Variants in TGFBR3 observed in about 807,000 individuals in gnomAD.
TGFBR3 encodes the protein transforming growth factor beta receptor type 3.
TGFBR3 carries 46 observed loss-of-function variants against 87.9 expected under a neutral mutation model. The ratio of observed to expected loss-of-function variants is 0.52; its 90% confidence interval spans 0.41 to 0.67. TGFBR3 has a LOEUF of 0.67. Among genes scored for constraint, TGFBR3 ranks in the 30% least tolerant of loss-of-function variants. The pLI, the probability that TGFBR3 is intolerant of heterozygous loss-of-function variation, is 0.00. For synonymous variants in TGFBR3, 381 were observed against 391.6 expected (o/e 0.97, Z 0.32); for missense variants, 866 against 1,041.9 (o/e 0.83, Z 2.32).
intron 4 of TGFBR3, chr1:91,754,895 A>T (rs1673684025): frequency 6.6e-6 from 1 of 152,212 alleles, no homozygotes; most frequent in South Asian, 2.1e-4. Context: ...CTATTTAAAA[A>T]AAAACAGTTA....
rs202196211 is a variant in TGFBR3 at position 91,852,178 on chromosome 1, G to A, written c.61+9293C>T. Among the ~76,000 whole-genome samples the A allele has an allele frequency of 1.2e-4, 19 of 152,230 alleles. No individual in the cohort carries two copies. The East Asian group carries it at 3.5e-3, about 28-fold the overall frequency. On this transcript the variant is annotated intron_variant, in intron 2 of 16. Transcript: ENST00000212355. Reference sequence around the variant, plus strand: ...GTGGGAGGATCGTTTGAGCCCAGGAGGCCAAGGCTGCAGTGAGCTACCGTG... The same window carrying A: ...GTGGGAGGATCGTTTGAGCCCAGGAAGCCAAGGCTGCAGTGAGCTACCGTG...
At position 91,758,629 on chromosome 1, in the gene TGFBR3, ACC is replaced by A; in HGVS notation, c.366_367del (p.Val123LeufsTer8). 6.2e-7 allele frequency: 1 copy of A among 1,613,814 alleles called. No homozygotes were observed. Among genetic ancestry groups the A allele is most frequent in the Non-Finnish European group, 8.5e-7 (1 of 1,179,902 alleles). The stretch of plus-strand genomic sequence containing the variant: ...AGCACTTACCAAAAACAGTCTGGAG[ACC>A]CCAGTGGCAAGTCTCTCTGTCTTCA... On this transcript the variant is annotated frameshift_variant, in exon 4 of 17. Transcript: ENST00000212355. LOFTEE classifies it high-confidence loss of function.
intron 7 of TGFBR3, among the ~76,000 whole-genome samples, chr1:91,725,213 A>G (rs1672507591): frequency 6.6e-6 from 1 of 152,142 alleles, no homozygotes; most frequent in Admixed American, 6.5e-5. Context: ...TCTGGAGGAC[A>G]CATTCTGCCC....
At chr1:91,762,165 C>T (rs1022477397) in intron 3 of TGFBR3, among the ~76,000 whole-genome samples, 2 of 152,184 alleles carry the variant, frequency 1.3e-5, no homozygotes, top group Non-Finnish European at 2.9e-5. Flanking sequence ...TGACCAGTCT[C>T]GAAACCACTG....
chr1:91,856,603 G>A (rs183747210), intron 2 of TGFBR3, among the ~76,000 whole-genome samples: 2 of 152,240 alleles, frequency 1.3e-5, no homozygotes, highest in African/African-American at 4.8e-5. Flanking sequence ...TAACCAAAAG[G>A]AGGCCTTTGA....
intron 2 of TGFBR3, among the ~76,000 whole-genome samples, chr1:91,897,934 T>A (rs1365391545): frequency 6.6e-6 from 1 of 151,622 alleles, no homozygotes; most frequent in Non-Finnish European, 1.5e-5. Context: ...ATGGCTGTAA[T>A]CCCAGGACTT....
chr1:91,751,696 T>C lies in TGFBR3; in HGVS notation c.384+6917A>G, dbSNP rs375906889. Among the ~76,000 whole-genome samples, 5 of 152,088 alleles carry C rather than the reference T, an allele frequency of 3.3e-5. No homozygotes were observed. In the East Asian group the frequency reaches 9.7e-4, roughly 29 times the overall value. On this transcript the variant is annotated intron_variant, in intron 4 of 16. Transcript: ENST00000212355. ...TTGGCAGCTCCAGCTTCTTCACCCA[T>C]CCCTCCCCGCTTCTTGAAAATACAA...
intron 4 of TGFBR3, among the ~76,000 whole-genome samples, chr1:91,753,810 C>T (rs1673642743): frequency 6.6e-6 from 1 of 152,110 alleles, no homozygotes; most frequent in East Asian, 1.9e-4. Flanking sequence ...GCTAATATTC[C>T]ATTATATGGA....
chr1:91,823,161 C>G (rs1195350822), intron 2 of TGFBR3, among the ~76,000 whole-genome samples: 2 of 151,876 alleles, frequency 1.3e-5, no homozygotes. Flanking sequence ...TAATTCACCT[C>G]AAAGAAGGGG....
At chr1:91,855,425 G>A (rs1412737142) in intron 2 of TGFBR3, among the ~76,000 whole-genome samples, 2 of 152,148 alleles carry the variant, frequency 1.3e-5, no homozygotes, top group African/African-American at 4.8e-5. Flanking sequence ...AATTCTCCAT[G>A]CATGCCTCTT....
rs1672897058 is a variant in TGFBR3, at chr1:91,734,698, C to T, written c.568+78G>A. On this transcript the variant is annotated intron_variant, in intron 5 of 16. Transcript: ENST00000212355. ...CATTCTGTAATTCTGTGATTCCTTGCCCTAACCACCTGGTTTCAGAAAAGA... is the reference window on the plus strand; with the variant it reads ...CATTCTGTAATTCTGTGATTCCTTGTCCTAACCACCTGGTTTCAGAAAAGA... 17 of 1,553,716 alleles carry T rather than the reference C, an allele frequency of 1.1e-5. No homozygotes were observed. The Admixed American group carries it at 2.7e-4, about 24-fold the overall frequency.
At chr1:91,894,960 A>T (rs377562398) in intron 2 of TGFBR3, among the ~76,000 whole-genome samples, 1 of 152,046 alleles carries the variant, frequency 6.6e-6, no homozygotes, top group East Asian at 1.9e-4. Flanking sequence ...TTAGTAGAGA[A>T]GGGGTTTCAC....
chr1:91,794,492 C>T (rs1675302976), intron 3 of TGFBR3, among the ~76,000 whole-genome samples: 1 of 149,582 alleles, frequency 6.7e-6, no homozygotes, highest in Admixed American at 6.8e-5. Context: ...TGTGAGCCAC[C>T]TCGCCCGGCC....
intron 2 of TGFBR3, among the ~76,000 whole-genome samples, chr1:91,828,584 G>A (rs955766125): frequency 7.2e-5 from 11 of 152,218 alleles, no homozygotes; most frequent in Admixed American, 1.3e-4. Context: ...AGCCACCCCC[G>A]AAACTGTAGT....
chr1:91,695,173 G>C (rs1671390715), intron 16 of TGFBR3, among the ~76,000 whole-genome samples: 1 of 149,430 alleles, frequency 6.7e-6, no homozygotes, highest in Non-Finnish European at 1.5e-5. Flanking sequence ...AGAAAAACAT[G>C]AAAATTTTAT....
intron 10 of TGFBR3, 96 bp downstream of exon 10, chr1:91,719,215 AC>A: frequency 1.3e-6 from 2 of 1,555,358 alleles, no homozygotes; most frequent in Non-Finnish European, 1.8e-6. Flanking sequence ...TGGGGTGAAA[AC>A]CCTCTTCATC....
At chr1:91,740,711 A>G (rs1328112972) in intron 4 of TGFBR3, among the ~76,000 whole-genome samples, 1 of 152,200 alleles carries the variant, frequency 6.6e-6, no homozygotes, top group African/African-American at 2.4e-5. Context: ...CATAGACCCA[A>G]ATCATATCAT....
Position 91,716,616 on chromosome 1 carries a change from A to G in TGFBR3, c.1659T>C (p.Asp553=). ...LESGDNGFPG[D]MDEGDASLFT... ...ACAGGGAAGCATCTCCTTCATCCAT[A>G]TCTCCCGGAAATCCATTATCACCTG... The change falls in exon 11 of 17, where the codon GAT becomes GAC. Residue 553 remains aspartate, a synonymous_variant. Transcript: ENST00000212355. 6.2e-7 allele frequency: 1 copy of G among 1,614,132 alleles called. No homozygotes were observed. The highest frequency in any genetic ancestry group is 8.5e-7 in the Non-Finnish European group (1 of 1,180,026).
intron 2 of TGFBR3, among the ~76,000 whole-genome samples, chr1:91,831,332 C>G (rs1250204543): frequency 6.6e-6 from 1 of 152,188 alleles, no homozygotes; most frequent in Non-Finnish European, 1.5e-5. Context: ...GCATAAACGT[C>G]ACTTAGTCTT....
Sources: allele counts gnomAD v4.1 joint callset (sites outside exome capture counted in the v4.1 genomes callset), GRCh38; gene constraint gnomAD v4.1.1; transcripts MANE v1.5; gene names NCBI Gene and HGNC (gene_info 2026-07-23, HGNC 2026-07-21).